Variants in MYO6 observed in about 807,000 individuals in gnomAD.
MYO6 encodes the protein myosin VI.
MYO6 carries 74 observed loss-of-function variants against 178.7 expected under a neutral mutation model. That is an observed-to-expected ratio of 0.41 (90% CI 0.34 to 0.50). The LOEUF (loss-of-function observed/expected upper bound fraction) is 0.50, where lower values mean the gene tolerates loss of function less well. Among genes scored for constraint, MYO6 ranks in the 20% least tolerant of loss-of-function variants. The pLI is 0.09. For synonymous variants in MYO6, 477 were observed against 504.6 expected (o/e 0.95, Z 0.73); for missense variants, 1,330 against 1,547.4 (o/e 0.86, Z 2.36).
At chr6:75,801,883 G>A (rs1769494775) in intron 1 of MYO6, among the ~76,000 whole-genome samples, 1 of 151,918 alleles carries the variant, frequency 6.6e-6, no homozygotes. Flanking sequence ...GGAGGTTGCA[G>A]TGAGCTGAGA....
At chr6:75,753,455 G>GTATATATATATATATATATATA (rs58108910) in intron 1 of MYO6, among the ~76,000 whole-genome samples, 1 of 140,040 alleles carries the variant, frequency 7.1e-6, no homozygotes, top group African/African-American at 2.7e-5. Flanking sequence ...GTGTGTGTGT[G>GTATATATATATATATATATATA]TATATATATA....
At chr6:75,765,121 A>G (rs2150000116) in intron 1 of MYO6, among the ~76,000 whole-genome samples, 1 of 151,902 alleles carries the variant, frequency 6.6e-6, no homozygotes, top group African/African-American at 2.4e-5. Context: ...TGTGCAGTTA[A>G]AAAATTTAGA....
intron 1 of MYO6, among the ~76,000 whole-genome samples, chr6:75,761,992 C>T (rs276697): frequency 0.26 from 39,817 of 150,820 alleles, 7,669 homozygotes; most frequent in African/African-American, 0.54. Context: ...AGTGCAGTGG[C>T]GTGATCTCGG....
chr6:75,808,997 G>T (rs573463631), intron 1 of MYO6, among the ~76,000 whole-genome samples: 3 of 152,274 alleles, frequency 2.0e-5, no homozygotes, highest in Admixed American at 1.3e-4. Context: ...ATAATCTTAT[G>T]CCCTAGTCTG....
rs1471988168 is a variant in MYO6, at chr6:75,835,976, T to A, written c.553+20T>A. The A allele has an allele frequency of 2.6e-6, 4 of 1,538,146 alleles. No individual in the cohort carries two copies. In the African/African-American group the frequency reaches 5.4e-5, roughly 21 times the overall value. ...TTGAAGGTATTGCTAATTTTTCAGTTGTTACGCGTGTACTGAAATTAATTT... is the reference window on the plus strand; with the variant it reads ...TTGAAGGTATTGCTAATTTTTCAGTAGTTACGCGTGTACTGAAATTAATTT... On this transcript the variant is annotated intron_variant, in intron 7 of 34. Coordinates refer to ENST00000369977, the MANE Select transcript of MYO6 (RefSeq NM_004999.4).
At chr6:75,761,820 C>T (rs1199561392) in intron 1 of MYO6, among the ~76,000 whole-genome samples, 3 of 150,554 alleles carry the variant, frequency 2.0e-5, no homozygotes, top group African/African-American at 5.0e-5. Flanking sequence ...AGTAGGTCAG[C>T]ATGATTGAAC....
chr6:75,796,205 AC>A (rs1768796745), intron 1 of MYO6, among the ~76,000 whole-genome samples: 2 of 152,120 alleles, frequency 1.3e-5, no homozygotes, highest in Non-Finnish European at 2.9e-5. Flanking sequence ...ATGGTCAGTG[AC>A]CTTTCTAATA....
intron 16 of MYO6, chr6:75,865,110 T>G (rs1222337451): frequency 2.7e-5 from 4 of 150,480 alleles, no homozygotes; most frequent in Admixed American, 1.3e-4. Flanking sequence ...ATTTTATTTT[T>G]TTGATTTTTC....
intron 30 of MYO6, among the ~76,000 whole-genome samples, chr6:75,901,826 GTT>G (rs1779801126): frequency 6.6e-6 from 1 of 152,170 alleles, no homozygotes; most frequent in Non-Finnish European, 1.5e-5. Flanking sequence ...AATGCTTCCA[GTT>G]TTTGCCCATT....
intron 1 of MYO6, among the ~76,000 whole-genome samples, chr6:75,784,846 G>A (rs192818926): frequency 3.7e-4 from 56 of 151,446 alleles, no homozygotes; most frequent in Middle Eastern, 3.5e-3. Context: ...AAGATTGCGG[G>A]GTGTAGCTTT....
intron 11 of MYO6, among the ~76,000 whole-genome samples, chr6:75,853,926 G>A (rs1274822497): frequency 6.6e-6 from 1 of 151,918 alleles, no homozygotes; most frequent in Admixed American, 6.6e-5. Flanking sequence ...AACCATGTAA[G>A]GTAGGTAAAG....
intron 1 of MYO6, among the ~76,000 whole-genome samples, chr6:75,794,940 A>G (rs1017179526): frequency 6.6e-6 from 1 of 152,220 alleles, no homozygotes; most frequent in African/African-American, 2.4e-5. Context: ...TCCTTCATGA[A>G]GAATTCTCAG....
At chr6:75,873,864 T>C (rs182739906) in intron 20 of MYO6, among the ~76,000 whole-genome samples, 27 of 152,280 alleles carry the variant, frequency 1.8e-4, no homozygotes, top group African/African-American at 6.0e-4. Context: ...GCTTAAACTA[T>C]CACTTCCTAC....
rs1473660831 is a variant in MYO6 at position 75,794,524 on chromosome 6, C to T, written c.-47-22977C>T. 3.9e-5 allele frequency among the ~76,000 whole-genome samples: 6 copies of T among 152,202 alleles called. No homozygotes were observed. The East Asian group carries it at 9.7e-4, about 25-fold the overall frequency. ...CAAAATCTTGAAGAAAAATGACTTT[C>T]AACCCAGAACTCAATTATATGTGTG... On this transcript the variant is annotated intron_variant, in intron 1 of 34. Transcript: ENST00000369977.
intron 23 of MYO6, among the ~76,000 whole-genome samples, chr6:75,885,106 T>C (rs1158329966): frequency 6.6e-6 from 1 of 152,218 alleles, no homozygotes; most frequent in Non-Finnish European, 1.5e-5. Flanking sequence ...CAAGGACAGC[T>C]TAGAGGTTAG....
chr6:75,787,238 C>A (rs1767659925), intron 1 of MYO6, among the ~76,000 whole-genome samples: 1 of 152,180 alleles, frequency 6.6e-6, no homozygotes, highest in Admixed American at 6.5e-5. Context: ...TGCTGGGAAT[C>A]CTACTCCCAG....
chr6:75,901,321 G>T (rs1177698723), intron 30 of MYO6, among the ~76,000 whole-genome samples: 1 of 152,144 alleles, frequency 6.6e-6, no homozygotes, highest in Non-Finnish European at 1.5e-5. Flanking sequence ...AAATTACCTT[G>T]GGCAATATGG....
At chr6:75,900,680 G>A (rs1444465197) in intron 30 of MYO6, among the ~76,000 whole-genome samples, 1 of 152,066 alleles carries the variant, frequency 6.6e-6, no homozygotes, top group Non-Finnish European at 1.5e-5. Context: ...CCATTTTGTG[G>A]GTTGCCTGTT....
intron 11 of MYO6, 73 bp downstream of exon 11, chr6:75,848,604 G>C: frequency 6.7e-7 from 1 of 1,494,064 alleles, no homozygotes; most frequent in Non-Finnish European, 9.2e-7. Flanking sequence ...TATGAAAATT[G>C]TCTCTTTATA....
Sources: gnomAD v4.1 joint callset for allele counts (sites outside exome capture counted in the v4.1 genomes callset) on GRCh38, gnomAD v4.1.1 for gene constraint, MANE v1.5 for transcripts, NCBI Gene and HGNC (gene_info 2026-07-23, HGNC 2026-07-21) for gene names.